TRDN: variants seen among roughly 807,000 people sequenced by gnomAD.
TRDN encodes triadin in skeletal muscle.
A neutral mutation model predicts 149.7 loss-of-function variants in TRDN; 161 were observed. The ratio of observed to expected loss-of-function variants is 1.08; its 90% CI spans 0.95 to 1.23. The LOEUF is 1.23. Ranked by LOEUF, TRDN falls within the 50% of genes most tolerant of loss-of-function variation. The pLI, the probability that TRDN is intolerant of heterozygous loss-of-function variation, is 0.00. For synonymous variants in TRDN, 294 were observed against 250.5 expected (o/e 1.17, Z -1.64); for missense variants, 896 against 823.5 (o/e 1.09, Z -1.08).
chr6:123,277,519 T>C (rs1479558305), intron 26 of TRDN, among the ~76,000 whole-genome samples: 1 of 152,074 alleles, frequency 6.6e-6, no homozygotes, highest in Non-Finnish European at 1.5e-5. Context: ...GTAGGGTGGG[T>C]ATTTAATCCA....
At chr6:123,349,960 A>C in intron 21 of TRDN, 10 of 985,384 alleles carry the variant, frequency 1.0e-5, no homozygotes, top group Non-Finnish European at 1.2e-5. Context: ...AATAGCATCA[A>C]AAGCAAAGAA....
At chr6:123,570,324 C>G (rs1392738001) in intron 2 of TRDN, among the ~76,000 whole-genome samples, 1 of 151,908 alleles carries the variant, frequency 6.6e-6, no homozygotes, top group Non-Finnish European at 1.5e-5. Flanking sequence ...TGTCATATGT[C>G]AAAATAAATA....
rs115386137 is a variant in TRDN, at chr6:123,397,606, T to C, written c.1052-3929A>G. Among the ~76,000 whole-genome samples, 866 of 152,314 alleles carry C rather than the reference T, an allele frequency of 5.7e-3. 10 individuals are homozygous for C. Among genetic ancestry groups the C allele is most frequent in the African/African-American group, 0.02 (813 of 41,562 alleles). ...ATGGAACATTAAGCTCAGGGATCTA[T>C]TTCACTTTTAAGATGACGCAAAATC... On this transcript the variant is annotated intron_variant, in intron 12 of 40. Coordinates refer to ENST00000334268, the MANE Select transcript of TRDN (RefSeq NM_006073.4).
intron 33 of TRDN, among the ~76,000 whole-genome samples, chr6:123,263,446 T>C (rs574335278): frequency 1.5e-4 from 23 of 152,170 alleles, no homozygotes; most frequent in African/African-American, 5.1e-4. Flanking sequence ...ATACAGAAGC[T>C]GCAGAAAGTT....
intron 24 of TRDN, among the ~76,000 whole-genome samples, chr6:123,287,357 T>TG (rs1199085246): frequency 6.6e-6 from 1 of 152,156 alleles, no homozygotes; most frequent in Non-Finnish European, 1.5e-5. Flanking sequence ...AGTAGATTAC[T>TG]GGGGGAGAAT....
chr6:123,347,729 G>A (rs1045605902), intron 21 of TRDN, among the ~76,000 whole-genome samples: 1 of 152,046 alleles, frequency 6.6e-6, no homozygotes, highest in Non-Finnish European at 1.5e-5. Flanking sequence ...TGTCTTACAA[G>A]TGAGAATTGA....
intron 3 of TRDN, among the ~76,000 whole-genome samples, chr6:123,548,228 T>C (rs558116957): frequency 2.0e-5 from 3 of 152,044 alleles, no homozygotes; most frequent in Non-Finnish European, 4.4e-5. Flanking sequence ...TAACATTTAA[T>C]TTTGACATCT....
chr6:123,542,440 T>C (rs1780884975), intron 4 of TRDN, among the ~76,000 whole-genome samples: 1 of 152,206 alleles, frequency 6.6e-6, no homozygotes, highest in South Asian at 2.1e-4. Flanking sequence ...CTACGATTAT[T>C]CTTTCTTAAC....
At chr6:123,629,093 A>C (rs1785827384) in intron 1 of TRDN, among the ~76,000 whole-genome samples, 1 of 152,284 alleles carries the variant, frequency 6.6e-6, no homozygotes, top group South Asian at 2.1e-4. Context: ...ATGGGCAAAA[A>C]TAATAGCTCC....
In TRDN at chr6:123,318,416, T is replaced by G. The variant is rs569505076; in HGVS notation, c.1472-1921A>C. On this transcript the variant is annotated intron_variant, in intron 23 of 40. Transcript: ENST00000334268. ...TGAAGTGACTGAAACTTACGGAAGT[T>G]AGTTTGCGGAACCTCATTCAGCTGC... Among the ~76,000 whole-genome samples, 3 of 152,148 alleles carry G rather than the reference T, an allele frequency of 2.0e-5. No homozygotes were observed. In the South Asian group the frequency reaches 6.2e-4, roughly 32 times the overall value.
intron 31 of TRDN, among the ~76,000 whole-genome samples, chr6:123,268,940 AG>A (rs1446900695): frequency 5.3e-5 from 8 of 152,042 alleles, no homozygotes; most frequent in African/African-American, 1.9e-4. Context: ...TGTTCTGATT[AG>A]AGTCATTCAT....
At chr6:123,273,464 T>A (rs1391922219) in intron 27 of TRDN, 101 bp from the exon 28 acceptor site, 1 of 544,262 alleles carries the variant, frequency 1.8e-6, no homozygotes, top group Non-Finnish European at 2.6e-6. Flanking sequence ...TAGGCATAAC[T>A]AGCTTTAAAT....
chr6:123,392,296 A>G (rs1322894902), intron 13 of TRDN, among the ~76,000 whole-genome samples: 2 of 152,074 alleles, frequency 1.3e-5, no homozygotes, highest in African/African-American at 4.8e-5. Flanking sequence ...TCAAATTTTC[A>G]GATATCTCTT....
chr6:123,586,729 AAGG>A (rs1783506181), intron 1 of TRDN, among the ~76,000 whole-genome samples: 1 of 151,996 alleles, frequency 6.6e-6, no homozygotes. Context: ...AAGGGAGAAG[AAGG>A]AGGAATGGAG....
chr6:123,623,393 C>T (rs1302482637), intron 1 of TRDN, among the ~76,000 whole-genome samples: 1 of 152,016 alleles, frequency 6.6e-6, no homozygotes, highest in Non-Finnish European at 1.5e-5. Flanking sequence ...CTATACTCAT[C>T]TTTATGTTCT....
chr6:123,283,140 A>G (rs1777641544), intron 24 of TRDN, among the ~76,000 whole-genome samples: 3 of 152,022 alleles, frequency 2.0e-5, no homozygotes, highest in Admixed American at 1.3e-4. Flanking sequence ...GTGGAATAAA[A>G]TTAGAATTCA....
At chr6:123,594,944 T>C (rs187219950) in intron 1 of TRDN, among the ~76,000 whole-genome samples, 1 of 151,982 alleles carries the variant, frequency 6.6e-6, no homozygotes, top group African/African-American at 2.4e-5. Flanking sequence ...AAAAAAATTC[T>C]AGAACATGGC....
intron 38 of TRDN, among the ~76,000 whole-genome samples, 157 bp downstream of exon 38, chr6:123,252,255 C>T (rs1044536418): frequency 4.0e-5 from 6 of 150,840 alleles, no homozygotes; most frequent in Middle Eastern, 3.2e-3. Flanking sequence ...TAAGTTTCAA[C>T]GTAAGTAACA....
chr6:123,293,288 T>C (rs892835425), intron 24 of TRDN, among the ~76,000 whole-genome samples: 1 of 152,128 alleles, frequency 6.6e-6, no homozygotes, highest in Non-Finnish European at 1.5e-5. Flanking sequence ...CTTAACGGAT[T>C]ATACCTGAAT....
Sources: gnomAD v4.1 joint callset for allele counts (sites outside exome capture counted in the v4.1 genomes callset) on GRCh38, gnomAD v4.1.1 for gene constraint, MANE v1.5 for transcripts, NCBI Gene and HGNC (gene_info 2026-07-23, HGNC 2026-07-21) for gene names.